The following SMAD2 variants were observed in gnomAD, a reference collection of about 807,000 sequenced individuals.
SMAD2 encodes SMAD family member 2.
In SMAD2, 8 loss-of-function variants were observed where a neutral mutation model predicts 64.4. The observed-to-expected ratio is 0.12, with a 90% CI of 0.07 to 0.22. The LOEUF is 0.22. SMAD2 is among the 10% of genes least tolerant of loss of function. SMAD2 has a pLI of 1.00. For synonymous variants in SMAD2, 203 were observed against 195.8 expected (o/e 1.04, Z -0.31); for missense variants, 289 against 561.2 (o/e 0.51, Z 4.90).
At chr18:47,863,658 T>C (rs546844153) in intron 6 of SMAD2, among the ~76,000 whole-genome samples, 11 of 152,314 alleles carry the variant, frequency 7.2e-5, no homozygotes, top group South Asian at 2.1e-4. Context: ...AATAATTCCA[T>C]TGCAGAAACA....
At chr18:47,874,565 G>C (rs1337727269) in intron 2 of SMAD2, among the ~76,000 whole-genome samples, 1 of 151,990 alleles carries the variant, frequency 6.6e-6, no homozygotes, top group Non-Finnish European at 1.5e-5. Context: ...ACAAAAGAAT[G>C]CAAAGAAAAG....
chr18:47,869,324 C>G lies in SMAD2; in HGVS notation c.439G>C (p.Glu147Gln), dbSNP rs2144378389. The G allele has an allele frequency of 6.2e-7, 1 of 1,613,554 alleles. No homozygotes were observed. Among genetic ancestry groups the G allele is most frequent in the Non-Finnish European group, 8.5e-7 (1 of 1,179,702 alleles). The change falls in exon 4 of 11, where the codon GAA becomes CAA. Residue 147 changes from glutamate to glutamine, a missense_variant. This residue lies in a region of SMAD2 where 119 missense variants were observed against 156.7 expected (regional missense o/e 0.76). Coordinates refer to ENST00000262160, the MANE Select transcript of SMAD2 (RefSeq NM_005901.6). Reference sequence around the variant, plus strand: ...AGATTAAAAGCATATTCGCAGTTTTCAATTGCCTTGAGTTCATGATGACTG... The same window carrying G: ...AGATTAAAAGCATATTCGCAGTTTTGAATTGCCTTGAGTTCATGATGACTG... ...LHSHHELKAI[E>Q]NCEYAFNLKK...
intron 2 of SMAD2, among the ~76,000 whole-genome samples, chr18:47,872,898 T>C (rs1377914409): frequency 4.6e-5 from 7 of 152,166 alleles, no homozygotes; most frequent in Admixed American, 3.9e-4. Flanking sequence ...ATAGGTTATA[T>C]GCAAATACAA....
intron 2 of SMAD2, among the ~76,000 whole-genome samples, chr18:47,890,891 T>C (rs1260590895): frequency 6.6e-6 from 1 of 152,174 alleles, no homozygotes; most frequent in Non-Finnish European, 1.5e-5. Flanking sequence ...CCTGGTTACC[T>C]AGAGAAGCAA....
At chr18:47,907,256 G>A (rs1290762318) in intron 1 of SMAD2, among the ~76,000 whole-genome samples, 1 of 152,092 alleles carries the variant, frequency 6.6e-6, no homozygotes, top group African/African-American at 2.4e-5. Context: ...GTTAATAATC[G>A]CCAAAAACTA....
rs115139672 is a variant in SMAD2, at chr18:47,833,813, C to G, written c.*8014G>C. ...GGAAATGCAGTAGACGCCAGAGCAT[C>G]AAAGGCCATGTATTTCCTCACAAGA... On this transcript the variant is annotated 3_prime_UTR_variant, in exon 11 of 11. Coordinates refer to ENST00000262160, the MANE Select transcript of SMAD2 (RefSeq NM_005901.6). The G allele has an allele frequency of 4.6e-3, 1,055 of 230,970 alleles. 10 individuals are homozygous for G. The highest frequency in any genetic ancestry group is 0.021 in the African/African-American group (941 of 45,296). The allele number at this position is 230,970 out of a possible 1,614,324, so 14.3% of individuals were successfully genotyped here.
rs367544110 is a variant in SMAD2 at position 47,814,397 on chromosome 18, A to G, written c.*27430T>C. The G allele has an allele frequency of 1.8e-4, 27 of 152,336 alleles. No individual in the cohort carries two copies. Among genetic ancestry groups the G allele is most frequent in the African/African-American group, 6.0e-4 (25 of 41,578 alleles). The allele number at this position is 152,336 out of a possible 1,614,324, so 9.4% of individuals were successfully genotyped here. A position where few individuals can be genotyped will look rare whatever the true frequency, so the allele number is the denominator to read the frequency against. ...GAATGAGAAGGGAGTTCTACATGCT[A>G]AGAGCTCCATTCACATACTAAAAGC... On this transcript the variant is annotated 3_prime_UTR_variant, in exon 11 of 11. Transcript: ENST00000262160.
chr18:47,882,216 G>A (rs1218979912), intron 2 of SMAD2: 1 of 149,600 alleles, frequency 6.7e-6, no homozygotes, highest in East Asian at 2.0e-4. Context: ...GGGGGTGGGG[G>A]ACAAGGTCCC....
At position 47,927,822 on chromosome 18, in the gene SMAD2, C is replaced by G. The variant is rs375060317; in HGVS notation, c.-54+2539G>C. On this transcript the variant is annotated intron_variant, in intron 1 of 10. Transcript: ENST00000262160. ...GCTGAGGCAGGAGAAGCGCTTGAAC[C>G]CAGGAGGCGGAGGTTGCGGTGAGCC... 1.1e-4 allele frequency among the ~76,000 whole-genome samples: 16 copies of G among 152,298 alleles called. No homozygotes were observed. The East Asian group carries it at 2.7e-3, about 26-fold the overall frequency.
Position 47,896,450 on chromosome 18 carries a change from C to A in SMAD2, c.236+71G>T, listed in dbSNP as rs547808649. 29 of 1,513,364 alleles carry A rather than the reference C, an allele frequency of 1.9e-5. No homozygotes were observed. The African/African-American group carries it at 2.6e-4, about 14-fold the overall frequency. The allele number at this position is 1,513,364 out of a possible 1,614,324, so 93.7% of individuals were successfully genotyped here. ...CTTTTTACAGGCAACTTGAAAGGAA[C>A]ACAAATTCAGTAACTTTCCTTCAGA... is the stretch of plus-strand genomic sequence containing the variant. On this transcript the variant is annotated intron_variant, in intron 2 of 10. Transcript: ENST00000262160.
rs1411689689 is a variant in SMAD2, at chr18:47,841,653, C to T, written c.*174G>A. On this transcript the variant is annotated 3_prime_UTR_variant, in exon 11 of 11. Transcript: ENST00000262160. ...TATTTCTAGACACTAATTTTCCCATCTAATATTCAAATATAGGAAACAGAT... is the reference window on the plus strand; with the variant it reads ...TATTTCTAGACACTAATTTTCCCATTTAATATTCAAATATAGGAAACAGAT... 7.4e-6 allele frequency: 5 copies of T among 675,252 alleles called. No individual in the cohort carries two copies. In the East Asian group the frequency reaches 1.4e-4, roughly 19 times the overall value. 41.8% of individuals were successfully genotyped at this position (675,252 alleles called of 1,614,324 possible).
chr18:47,847,564 A>G (rs927461775), intron 8 of SMAD2, among the ~76,000 whole-genome samples: 5 of 151,980 alleles, frequency 3.3e-5, no homozygotes. Context: ...GATTTAAAAA[A>G]TTCATTTAAA....
At chr18:47,877,220 G>C (rs1485047463) in intron 2 of SMAD2, among the ~76,000 whole-genome samples, 3 of 150,774 alleles carry the variant, frequency 2.0e-5, no homozygotes, top group Non-Finnish European at 4.4e-5. Flanking sequence ...ACCTTGGTAA[G>C]ATTAAAAGCA....
At chr18:47,865,390 A>G (rs1012397924) in intron 5 of SMAD2, among the ~76,000 whole-genome samples, 2 of 152,164 alleles carry the variant, frequency 1.3e-5, no homozygotes, top group Non-Finnish European at 2.9e-5. Context: ...GCTCATTCCT[A>G]TATGTACATA....
chr18:47,925,850 A>G (rs2034740203), intron 1 of SMAD2, among the ~76,000 whole-genome samples: 1 of 152,260 alleles, frequency 6.6e-6, no homozygotes, highest in South Asian at 2.1e-4. Flanking sequence ...CAAAAAAATT[A>G]TCAGTGCTAA....
At chr18:47,921,808 TTC>T (rs1233951119) in intron 1 of SMAD2, among the ~76,000 whole-genome samples, 5 of 152,224 alleles carry the variant, frequency 3.3e-5, no homozygotes, top group Non-Finnish European at 7.3e-5. Flanking sequence ...CCTGGGCACT[TTC>T]TCTCTCAAGA....
rs1410606476 is a variant in SMAD2, at chr18:47,822,387, TG to T, written c.*19439del. The T allele has an allele frequency of 6.6e-6, 1 of 152,212 alleles. No individual in the cohort carries two copies. 9.4% of individuals were successfully genotyped at this position (152,212 alleles called of 1,614,324 possible). A position where few individuals can be genotyped will look rare whatever the true frequency, so the allele number is the denominator to read the frequency against. On this transcript the variant is annotated 3_prime_UTR_variant, in exon 11 of 11. Transcript: ENST00000262160. The stretch of plus-strand genomic sequence containing the variant: ...AGGTTACTAATCACTTTAATACCAA[TG>T]GACTAAATATTTTTTCAGAACTTCA...
At chr18:47,913,977 T>C (rs2034240233) in intron 1 of SMAD2, among the ~76,000 whole-genome samples, 1 of 152,170 alleles carries the variant, frequency 6.6e-6, no homozygotes, top group African/African-American at 2.4e-5. Flanking sequence ...CTTAGTAAAA[T>C]TAGGATTCTA....
intron 2 of SMAD2, among the ~76,000 whole-genome samples, chr18:47,886,446 A>T (rs1317428779): frequency 6.6e-6 from 1 of 152,218 alleles, no homozygotes. Flanking sequence ...TAACTTCATT[A>T]TAAATTTGTG....
Sources: gnomAD v4.1 joint callset for allele counts (sites outside exome capture counted in the v4.1 genomes callset) on GRCh38, gnomAD v4.1.1 for gene constraint, gnomAD v4.1.1 regional missense constraint, MANE v1.5 for transcripts, NCBI Gene and HGNC (gene_info 2026-07-23, HGNC 2026-07-21) for gene names.